The following CNTNAP2 variants were observed in gnomAD, a reference collection of about 807,000 sequenced individuals.
The protein encoded by CNTNAP2 is contactin-associated protein-like 2.
In CNTNAP2, 98 loss-of-function variants were observed where a neutral mutation model predicts 155.2. The ratio of observed to expected loss-of-function variants is 0.63; its 90% CI spans 0.54 to 0.75. The LOEUF (loss-of-function observed/expected upper bound fraction) is 0.75. CNTNAP2 is among the 30% of genes least tolerant of loss of function. CNTNAP2 has a pLI of 0.00. For synonymous variants in CNTNAP2, 651 were observed against 631.2 expected (o/e 1.03, Z -0.47); for missense variants, 1,727 against 1,688.1 (o/e 1.02, Z -0.40).
rs1314883355 is a variant in CNTNAP2, at chr7:146,712,142, CT to C, written c.98-62128del. ...TATATGTATACATATCTTATGTATA[CT>C]ATATAGTATACATATCTTATGTATA... On this transcript the variant is annotated intron_variant, in intron 1 of 23. Coordinates refer to ENST00000361727, the MANE Select transcript of CNTNAP2 (RefSeq NM_014141.6). Among the ~76,000 whole-genome samples the C allele has an allele frequency of 1.0e-3, 127 of 124,216 alleles. 4 individuals carry two copies. The highest frequency in any genetic ancestry group is 2.6e-3 in the African/African-American group (86 of 32,576). 81.5% of individuals were successfully genotyped at this position (124,216 alleles called of 152,430 possible). A position where few individuals can be genotyped will look rare whatever the true frequency, so the allele number is the denominator to read the frequency against.
intron 15 of CNTNAP2, among the ~76,000 whole-genome samples, chr7:148,050,709 C>T (rs1296047669): frequency 6.6e-6 from 1 of 152,204 alleles, no homozygotes; most frequent in East Asian, 1.9e-4. Flanking sequence ...CCCACAGCAA[C>T]TTCCAGTCCT....
chr7:147,626,811 G>A (rs1794986733), intron 12 of CNTNAP2, among the ~76,000 whole-genome samples: 1 of 152,176 alleles, frequency 6.6e-6, no homozygotes, highest in South Asian at 2.1e-4. Context: ...GCTAACCAGA[G>A]TTCCTGAGCG....
At chr7:147,223,308 C>A (rs1461392708) in intron 8 of CNTNAP2, among the ~76,000 whole-genome samples, 1 of 152,140 alleles carries the variant, frequency 6.6e-6, no homozygotes, top group African/African-American at 2.4e-5. Flanking sequence ...TATAGTGAGA[C>A]AGAATACTTT....
intron 13 of CNTNAP2, among the ~76,000 whole-genome samples, chr7:147,768,614 T>C (rs1797420003): frequency 6.6e-6 from 1 of 152,136 alleles, no homozygotes; most frequent in Non-Finnish European, 1.5e-5. Flanking sequence ...GATGATTCAT[T>C]TGAGGCCACT....
chr7:147,743,945 C>T (rs1796997261), intron 13 of CNTNAP2, among the ~76,000 whole-genome samples: 1 of 152,182 alleles, frequency 6.6e-6, no homozygotes, highest in Non-Finnish European at 1.5e-5. Flanking sequence ...GCCTTATTAC[C>T]TGTGTGACCT....
At chr7:146,788,135 T>TC (rs377302359) in intron 2 of CNTNAP2, among the ~76,000 whole-genome samples, 39 of 152,128 alleles carry the variant, frequency 2.6e-4, no homozygotes, top group Admixed American at 7.8e-4. Context: ...AGGGAGCTTG[T>TC]CCCCCAAACA....
chr7:147,689,710 T>C (rs1238075352), intron 13 of CNTNAP2, among the ~76,000 whole-genome samples: 3 of 152,090 alleles, frequency 2.0e-5, no homozygotes, highest in African/African-American at 7.2e-5. Context: ...ATGATACAGA[T>C]AAATACCACT....
intron 13 of CNTNAP2, among the ~76,000 whole-genome samples, chr7:147,695,572 G>A (rs1469143839): frequency 7.2e-5 from 11 of 152,160 alleles, no homozygotes; most frequent in Admixed American, 7.2e-4. Context: ...GGCCAAGGTG[G>A]GTGGATCACG....
chr7:146,545,636 C>T (rs1233448330), intron 1 of CNTNAP2, among the ~76,000 whole-genome samples: 1 of 151,736 alleles, frequency 6.6e-6, no homozygotes, highest in Non-Finnish European at 1.5e-5. Flanking sequence ...ATGATGGTTG[C>T]CAGCTTCATC....
chr7:146,341,546 T>G (rs1324572345), intron 1 of CNTNAP2, among the ~76,000 whole-genome samples: 2 of 152,152 alleles, frequency 1.3e-5, no homozygotes, highest in African/African-American at 4.8e-5. Flanking sequence ...AGTACTATCG[T>G]GCTGCTATAC....
At chr7:147,802,374 G>C (rs2116592708) in intron 13 of CNTNAP2, among the ~76,000 whole-genome samples, 1 of 151,598 alleles carries the variant, frequency 6.6e-6, no homozygotes, top group African/African-American at 2.4e-5. Flanking sequence ...CAGACGGGGT[G>C]GCGGCCGGGC....
intron 8 of CNTNAP2, among the ~76,000 whole-genome samples, chr7:147,210,047 G>A (rs1358686913): frequency 1.3e-5 from 2 of 151,908 alleles, no homozygotes; most frequent in African/African-American, 2.4e-5. Context: ...ATACTGACTT[G>A]AAGTTTTCTT....
At chr7:148,302,571 G>A (rs748739952) in intron 21 of CNTNAP2, among the ~76,000 whole-genome samples, 1 of 152,112 alleles carries the variant, frequency 6.6e-6, no homozygotes, top group African/African-American at 2.4e-5. Flanking sequence ...TGTCAAGGGG[G>A]GACCTGGTGG....
intron 1 of CNTNAP2, among the ~76,000 whole-genome samples, chr7:146,539,519 A>C (rs1797919493): frequency 6.6e-6 from 1 of 151,590 alleles, no homozygotes. Flanking sequence ...CAGAGACATA[A>C]AGCTACGGTA....
intron 8 of CNTNAP2, among the ~76,000 whole-genome samples, chr7:147,238,296 T>G (rs1427805916): frequency 2.0e-5 from 3 of 152,156 alleles, no homozygotes; most frequent in Non-Finnish European, 4.4e-5. Context: ...ATTACAGGCG[T>G]GAGCCACCGT....
chr7:147,499,247 A>T (rs7782708), intron 11 of CNTNAP2, among the ~76,000 whole-genome samples: 1 of 151,730 alleles, frequency 6.6e-6, no homozygotes, highest in South Asian at 2.1e-4. Flanking sequence ...AATACTTACC[A>T]GCCAGGCATG....
At chr7:148,240,887 G>A (rs985058336) in intron 20 of CNTNAP2, among the ~76,000 whole-genome samples, 2 of 152,160 alleles carry the variant, frequency 1.3e-5, no homozygotes, top group African/African-American at 4.8e-5. Flanking sequence ...AGAAGATGCA[G>A]CCAGTCCAGT....
chr7:146,142,582 T>G (rs1797896878), intron 1 of CNTNAP2, among the ~76,000 whole-genome samples: 1 of 152,210 alleles, frequency 6.6e-6, no homozygotes, highest in Non-Finnish European at 1.5e-5. Flanking sequence ...CCAATCTAAT[T>G]TCCCTGTTTT....
intron 21 of CNTNAP2, among the ~76,000 whole-genome samples, chr7:148,274,535 TCTCA>T (rs1420325530): frequency 6.6e-6 from 1 of 152,192 alleles, no homozygotes; most frequent in Admixed American, 6.5e-5. Context: ...ATAAGTGAGC[TCTCA>T]CTCTGAGTTC....
Sources: allele counts gnomAD v4.1 joint callset (sites outside exome capture counted in the v4.1 genomes callset), GRCh38; gene constraint gnomAD v4.1.1; transcripts MANE v1.5; gene names NCBI Gene and HGNC (gene_info 2026-07-23, HGNC 2026-07-21).